The following RBFOX1 variants were observed in gnomAD, a reference collection of about 807,000 sequenced individuals.
RBFOX1 encodes the protein RNA binding fox-1 homolog 1, also known as RNA binding protein fox-1 homolog 1.
RBFOX1 carries 8 observed loss-of-function variants against 57.7 expected under a neutral mutation model. The observed-to-expected ratio is 0.14, with a 90% CI of 0.08 to 0.25. The LOEUF (loss-of-function observed/expected upper bound fraction) is 0.25. Ranked by LOEUF, RBFOX1 falls within the 10% of genes least tolerant of loss-of-function variation. The pLI, the probability that RBFOX1 is intolerant of heterozygous loss-of-function variation, is 1.00. For synonymous variants in RBFOX1, 326 were observed against 222.4 expected (o/e 1.47, Z -4.15); for missense variants, 611 against 548.5 (o/e 1.11, Z -1.14).
At chr16:5,455,494 A>G (rs1260360885) in intron 1 of RBFOX1, among the ~76,000 whole-genome samples, 1 of 152,122 alleles carries the variant, frequency 6.6e-6, no homozygotes, top group Admixed American at 6.5e-5. Flanking sequence ...CTTGTTTTCA[A>G]AACCACCCCA....
chr16:7,570,163 CTT>C (rs5815410), intron 5 of RBFOX1, among the ~76,000 whole-genome samples: 10 of 142,366 alleles, frequency 7.0e-5, no homozygotes, highest in African/African-American at 2.1e-4. Context: ...TAAAATTTTA[CTT>C]TTTTTTTTTT....
intron 1 of RBFOX1, among the ~76,000 whole-genome samples, chr16:6,034,549 C>T (rs780024185): frequency 1.3e-5 from 2 of 151,920 alleles, no homozygotes; most frequent in African/African-American, 2.4e-5. Flanking sequence ...GACTAGTTCT[C>T]TCCAACCTTT....
rs532429761 is a variant in RBFOX1 at position 7,654,264 on chromosome 16, A to C, written c.890+317A>C. On this transcript the variant is annotated intron_variant, in intron 12 of 15. Coordinates refer to ENST00000550418, the MANE Select transcript of RBFOX1 (RefSeq NM_018723.4). Reference sequence around the variant, plus strand: ...CCAAAGATGTATTTCTGATGATTGCAAACATCTGGTTATTAAGGAGGTTGG... The same window carrying C: ...CCAAAGATGTATTTCTGATGATTGCCAACATCTGGTTATTAAGGAGGTTGG... Among the ~76,000 whole-genome samples, 5 of 152,296 alleles carry C rather than the reference A, an allele frequency of 3.3e-5. No homozygotes were observed. In the South Asian group the frequency reaches 1.0e-3, roughly 32 times the overall value.
At chr16:7,353,068 AGT>A (rs1166240739) in intron 4 of RBFOX1, among the ~76,000 whole-genome samples, 1 of 152,154 alleles carries the variant, frequency 6.6e-6, no homozygotes, top group Non-Finnish European at 1.5e-5. Context: ...TGAGTTACAT[AGT>A]GGAACCCTAA....
At chr16:6,431,681 A>G (rs986184833) in intron 2 of RBFOX1, among the ~76,000 whole-genome samples, 2 of 152,090 alleles carry the variant, frequency 1.3e-5, no homozygotes, top group African/African-American at 4.8e-5. Context: ...TAGTCTGAAT[A>G]TGATGGGAAG....
chr16:7,496,800 T>C (rs548112965), intron 4 of RBFOX1, among the ~76,000 whole-genome samples: 3 of 151,804 alleles, frequency 2.0e-5, no homozygotes, highest in Admixed American at 6.6e-5. Flanking sequence ...TATTTTCTTT[T>C]AGAAAATAAA....
intron 4 of RBFOX1, among the ~76,000 whole-genome samples, chr16:5,945,859 C>G (rs993088337): frequency 1.3e-5 from 2 of 152,160 alleles, no homozygotes; most frequent in Non-Finnish European, 2.9e-5. Flanking sequence ...TCTACTCCAT[C>G]CATCAGTATT....
intron 3 of RBFOX1, among the ~76,000 whole-genome samples, chr16:6,861,934 C>G (rs116561835): frequency 7.0e-6 from 1 of 143,120 alleles, no homozygotes; most frequent in South Asian, 2.3e-4. Context: ...GGCAGGGGGT[C>G]TGCAAACAGA....
intron 1 of RBFOX1, among the ~76,000 whole-genome samples, chr16:6,305,607 G>C (rs1024797594): frequency 6.6e-6 from 1 of 150,538 alleles, no homozygotes; most frequent in Admixed American, 6.6e-5. Flanking sequence ...TATGACTCAA[G>C]TAGGTACAGC....
At chr16:5,617,531 T>C (rs996900066) in intron 3 of RBFOX1, among the ~76,000 whole-genome samples, 3 of 152,224 alleles carry the variant, frequency 2.0e-5, no homozygotes, top group Admixed American at 1.3e-4. Flanking sequence ...GTAGCGTCCA[T>C]TGAAGTCCAG....
chr16:5,829,382 G>T (rs1287614805), intron 3 of RBFOX1, among the ~76,000 whole-genome samples: 2 of 152,210 alleles, frequency 1.3e-5, no homozygotes, highest in Non-Finnish European at 2.9e-5. Flanking sequence ...GATTGAAGAG[G>T]CACAGTGAGG....
intron 3 of RBFOX1, among the ~76,000 whole-genome samples, chr16:7,040,114 A>G (rs58355391): frequency 0.094 from 14,324 of 151,934 alleles, 1,107 homozygotes; most frequent in East Asian, 0.32. Flanking sequence ...TCTGCCTCCC[A>G]GGTTCAAGCA....
intron 3 of RBFOX1, among the ~76,000 whole-genome samples, chr16:5,808,371 CT>C (rs1402163028): frequency 6.6e-6 from 1 of 152,148 alleles, no homozygotes; most frequent in African/African-American, 2.4e-5. Context: ...CAGCTATGTT[CT>C]TTTGGCTTAG....
chr16:6,158,788 A>C (rs1015359878), intron 1 of RBFOX1, among the ~76,000 whole-genome samples: 1 of 152,166 alleles, frequency 6.6e-6, no homozygotes, highest in Non-Finnish European at 1.5e-5. Context: ...TTGCTCTGGG[A>C]AACTGGGGAG....
intron 4 of RBFOX1, among the ~76,000 whole-genome samples, chr16:7,220,584 T>G (rs1287313570): frequency 6.6e-6 from 1 of 152,092 alleles, no homozygotes; most frequent in Non-Finnish European, 1.5e-5. Context: ...ACGACACTAT[T>G]TTCTGTTGTG....
At chr16:5,477,380 G>C (rs1053487474) in intron 2 of RBFOX1, among the ~76,000 whole-genome samples, 3 of 152,172 alleles carry the variant, frequency 2.0e-5, no homozygotes, top group South Asian at 2.1e-4. Flanking sequence ...TTTTGATTAT[G>C]ATTATCTCAC....
chr16:7,043,502 T>G (rs1274385371), intron 3 of RBFOX1, among the ~76,000 whole-genome samples: 1 of 152,096 alleles, frequency 6.6e-6, no homozygotes, highest in Non-Finnish European at 1.5e-5. Context: ...GAGACGTGCG[T>G]TTATAGGAAA....
Position 6,508,709 on chromosome 16 carries a change from A to T in RBFOX1, c.-63-145894A>T, listed in dbSNP as rs149035866. On this transcript the variant is annotated intron_variant, in intron 2 of 15. Transcript: ENST00000550418. ...CATCCTTTGCATCTGCAGTTACTTC[A>T]TCCTAAAATTCTCTACGCCTAAATT... 2.6e-3 allele frequency among the ~76,000 whole-genome samples: 390 copies of T among 152,176 alleles called. 2 individuals carry two copies. The highest frequency in any genetic ancestry group is 8.5e-3 in the African/African-American group (354 of 41,508).
rs376187657 is a variant in RBFOX1, at chr16:7,573,101, A to T, written c.271-6676A>T. Among the ~76,000 whole-genome samples, 77 of 152,286 alleles carry T rather than the reference A, an allele frequency of 5.1e-4. 2 individuals are homozygous for T. The South Asian group carries it at 0.016, about 31-fold the overall frequency. On this transcript the variant is annotated intron_variant, in intron 5 of 15. Transcript: ENST00000550418. The stretch of plus-strand genomic sequence containing the variant: ...GAGTGCTGGTGCAGAGTTGCTGTAG[A>T]TCATAGGGCCAGTGAAGGTTTCTCC...
Sources: gnomAD v4.1 joint callset for allele counts (sites outside exome capture counted in the v4.1 genomes callset) on GRCh38, gnomAD v4.1.1 for gene constraint, MANE v1.5 for transcripts, NCBI Gene and HGNC (gene_info 2026-07-23, HGNC 2026-07-21) for gene names.